Variants in SLF1 observed in about 807,000 individuals in gnomAD.
SLF1 encodes SMC5-SMC6 complex localization factor protein 1.
A neutral mutation model predicts 123.0 loss-of-function variants in SLF1; 105 were observed. The ratio of observed to expected loss-of-function variants is 0.85; its 90% CI spans 0.73 to 1.00. SLF1 has a LOEUF of 1.00. SLF1 is among the 50% of genes least tolerant of loss of function. SLF1 has a pLI of 0.00. For missense variants in SLF1, 1,239 were observed against 1,223.0 expected (o/e 1.01, Z -0.20); for synonymous variants, 434 against 406.6 (o/e 1.07, Z -0.81).
At chr5:94,689,728 A>AG in intron 18 of SLF1, 122 bp downstream of exon 18, 3 of 825,384 alleles carry the variant, frequency 3.6e-6, no homozygotes, top group Non-Finnish European at 5.6e-6. Context: ...AGGTCCAGGA[A>AG]GTACCTTCTT....
chr5:94,648,627 A>G (rs1747332099), intron 5 of SLF1, among the ~76,000 whole-genome samples: 1 of 152,182 alleles, frequency 6.6e-6, no homozygotes, highest in African/African-American at 2.4e-5. Context: ...GATTACAGGC[A>G]TGTGCCACCA....
At position 94,654,659 on chromosome 5, in the gene SLF1, A is replaced by C; in HGVS notation, c.1062A>C (p.Glu354Asp). ...QKEMKNSIFA[E>D]YAKESKAMAI... ...AAATGAAGAATTCTATTTTTGCTGAATATGCCAAAGAATCAAAAGCCATGG... is the reference window on the plus strand; with the variant it reads ...AAATGAAGAATTCTATTTTTGCTGACTATGCCAAAGAATCAAAAGCCATGG... The change falls in exon 9 of 21, where the codon GAA (glutamate) becomes GAC (aspartate). Residue 354 changes from glutamate (E) to aspartate (D), a missense_variant. Coordinates refer to ENST00000265140, the MANE Select transcript of SLF1 (RefSeq NM_032290.4). 3 of 1,542,132 alleles carry C rather than the reference A, an allele frequency of 1.9e-6. No homozygotes were observed. The highest frequency in any genetic ancestry group is 2.6e-6 in the Non-Finnish European group (3 of 1,142,652).
chr5:94,656,864 T>G (rs1173706468), intron 9 of SLF1, among the ~76,000 whole-genome samples: 1 of 151,508 alleles, frequency 6.6e-6, no homozygotes, highest in Non-Finnish European at 1.5e-5. Context: ...GGGTTTTTTC[T>G]TTTTTGTCTT....
intron 1 of SLF1, among the ~76,000 whole-genome samples, chr5:94,619,187 C>T (rs985377462): frequency 5.9e-5 from 9 of 152,174 alleles, no homozygotes; most frequent in Non-Finnish European, 1.3e-4. Flanking sequence ...AGAATTTTGG[C>T]TGCTTTCCAT....
intron 4 of SLF1, 46 bp from the exon 5 acceptor site, chr5:94,643,227 A>C (rs756807094): frequency 1.5e-6 from 2 of 1,376,614 alleles, no homozygotes; most frequent in South Asian, 2.9e-5. Flanking sequence ...TGACTAAAGA[A>C]ACTCAAATTT....
chr5:94,693,291 C>G (rs1484327738), intron 20 of SLF1, among the ~76,000 whole-genome samples: 1 of 151,898 alleles, frequency 6.6e-6, no homozygotes, highest in Non-Finnish European at 1.5e-5. Context: ...TTCAGTTCTT[C>G]TACCTTGTTT....
chr5:94,634,664 T>C (rs1393420365), intron 4 of SLF1, among the ~76,000 whole-genome samples: 1 of 152,206 alleles, frequency 6.6e-6, no homozygotes, highest in African/African-American at 2.4e-5. Flanking sequence ...TTTAACATAC[T>C]GGTTTATTAA....
intron 14 of SLF1, 93 bp from the exon 15 acceptor site, chr5:94,678,713 CTA>C: frequency 9.1e-7 from 1 of 1,093,734 alleles, no homozygotes; most frequent in Non-Finnish European, 1.3e-6. Flanking sequence ...TTTTAAATAG[CTA>C]TGTTTTGCCC....
intron 4 of SLF1, among the ~76,000 whole-genome samples, chr5:94,637,172 G>C (rs1305713544): frequency 6.6e-6 from 1 of 152,156 alleles, no homozygotes; most frequent in Non-Finnish European, 1.5e-5. Flanking sequence ...CTCCTCATTT[G>C]TGGAGACAGC....
chr5:94,659,924 C>T (rs1243920984), intron 9 of SLF1, among the ~76,000 whole-genome samples: 1 of 152,066 alleles, frequency 6.6e-6, no homozygotes, highest in Non-Finnish European at 1.5e-5. Flanking sequence ...ATCCTCGGGC[C>T]CCCAAGTAGC....
intron 7 of SLF1, among the ~76,000 whole-genome samples, chr5:94,652,468 TTTTA>T (rs1442340765): frequency 6.6e-6 from 1 of 152,226 alleles, no homozygotes; most frequent in African/African-American, 2.4e-5. Context: ...TTCATGAACA[TTTTA>T]TAGTTTATGT....
chr5:94,640,969 A>G (rs1416641040), intron 4 of SLF1, among the ~76,000 whole-genome samples: 1 of 152,036 alleles, frequency 6.6e-6, no homozygotes, highest in Non-Finnish European at 1.5e-5. Context: ...TTCTCTTAAC[A>G]GTGGTTTGGT....
intron 6 of SLF1, among the ~76,000 whole-genome samples, chr5:94,651,257 G>A (rs963351591): frequency 2.0e-5 from 3 of 152,098 alleles, no homozygotes; most frequent in Admixed American, 6.6e-5. Context: ...TCTGATGTTC[G>A]CACAATGACG....
intron 14 of SLF1, among the ~76,000 whole-genome samples, chr5:94,674,872 A>G (rs1750866311): frequency 6.6e-6 from 1 of 152,232 alleles, no homozygotes; most frequent in South Asian, 2.1e-4. Context: ...TGCTATTGAT[A>G]ATTCTACAAT....
At chr5:94,649,108 A>G (rs1185365589) in intron 5 of SLF1, among the ~76,000 whole-genome samples, 2 of 152,322 alleles carry the variant, frequency 1.3e-5, no homozygotes, top group South Asian at 2.1e-4. Context: ...AAGTCTGTCT[A>G]TAATTGATGA....
intron 11 of SLF1, among the ~76,000 whole-genome samples, chr5:94,664,600 C>T (rs993082731): frequency 3.3e-5 from 5 of 152,018 alleles, no homozygotes; most frequent in African/African-American, 1.2e-4. Flanking sequence ...AATTTGATAA[C>T]ATAACAGGCA....
At chr5:94,666,147 A>G in intron 12 of SLF1, 123 bp downstream of exon 12, 3 of 936,110 alleles carry the variant, frequency 3.2e-6, no homozygotes, top group Non-Finnish European at 4.6e-6. Context: ...TGCAAATACA[A>G]ATATGTATTG....
intron 15 of SLF1, among the ~76,000 whole-genome samples, chr5:94,681,394 G>A (rs1004431677): frequency 4.6e-5 from 7 of 152,140 alleles, no homozygotes; most frequent in Admixed American, 3.3e-4. Flanking sequence ...GGCTTCCCAG[G>A]TGCTGGGATT....
chr5:94,655,359 A>G (rs1366886791), intron 9 of SLF1, among the ~76,000 whole-genome samples: 2 of 152,134 alleles, frequency 1.3e-5, no homozygotes, highest in African/African-American at 4.8e-5. Flanking sequence ...GAAGTCAAGT[A>G]GTGTGTGCCT....
Sources: allele counts gnomAD v4.1 joint callset (sites outside exome capture counted in the v4.1 genomes callset), GRCh38; gene constraint gnomAD v4.1.1; transcripts MANE v1.5; gene names NCBI Gene and HGNC (gene_info 2026-07-23, HGNC 2026-07-21).